TMPRSS7: variants seen among roughly 807,000 people sequenced by gnomAD.
The protein encoded by TMPRSS7 is transmembrane protease serine 7.
A neutral mutation model predicts 95.6 loss-of-function variants in TMPRSS7; 81 were observed. The ratio of observed to expected loss-of-function variants is 0.85; its 90% CI spans 0.71 to 1.02. The LOEUF is 1.02. TMPRSS7 is among the 50% of genes least tolerant of loss of function. TMPRSS7 has a pLI of 0.00. For missense variants in TMPRSS7, 945 were observed against 955.2 expected (o/e 0.99, Z 0.14); for synonymous variants, 364 against 337.8 (o/e 1.08, Z -0.85).
chr3:112,049,708 G>A, intron 7 of TMPRSS7, 136 bp from the exon 8 acceptor site: 1 of 656,530 alleles, frequency 1.5e-6, no homozygotes, highest in Non-Finnish European at 2.4e-6. Context: ...TGAGGATCTG[G>A]CTGGGAGAGA....
chr3:112,051,288 T>C (rs1258579447), intron 9 of TMPRSS7, among the ~76,000 whole-genome samples: 1 of 152,090 alleles, frequency 6.6e-6, no homozygotes. Context: ...ACTATTTATA[T>C]AGAATATAAT....
At chr3:112,057,166 A>G (rs767851167) in intron 10 of TMPRSS7, 35 bp downstream of exon 10, 5 of 1,472,472 alleles carry the variant, frequency 3.4e-6, no homozygotes, top group East Asian at 2.3e-5. Context: ...TATGTGAGGC[A>G]TCTGATGAAA....
At chr3:112,077,657 G>A (rs982986137) in intron 16 of TMPRSS7, among the ~76,000 whole-genome samples, 1 of 152,068 alleles carries the variant, frequency 6.6e-6, no homozygotes, top group Non-Finnish European at 1.5e-5. Context: ...ACTCAGGCCT[G>A]GAGGTTATAC....
At position 112,052,575 on chromosome 3, in the gene TMPRSS7, T is replaced by C. The variant is rs1250112021; in HGVS notation, c.1203+1792T>C. ...TCTCAAGGCTTCAGGGCAGCAGAAATGCAGGGCCTCAGATAAGCAGCAAGT... is the reference window on the plus strand; with the variant it reads ...TCTCAAGGCTTCAGGGCAGCAGAAACGCAGGGCCTCAGATAAGCAGCAAGT... On this transcript the variant is annotated intron_variant, in intron 9 of 17. Transcript: ENST00000452346. 3.3e-5 allele frequency among the ~76,000 whole-genome samples: 5 copies of C among 151,760 alleles called. No individual in the cohort carries two copies. In the East Asian group the frequency reaches 9.6e-4, roughly 29 times the overall value.
exon 18 of TMPRSS7, chr3:112,080,952 T>C (rs1207413820): frequency 6.2e-7 from 1 of 1,613,676 alleles, no homozygotes; most frequent in Non-Finnish European, 8.5e-7. Context: ...GAAGAAAAAG[T>C]GATGGAAAAT....
At chr3:112,062,986 C>A (rs973637188) in intron 11 of TMPRSS7, among the ~76,000 whole-genome samples, 2 of 152,096 alleles carry the variant, frequency 1.3e-5, no homozygotes, top group Non-Finnish European at 2.9e-5. Flanking sequence ...AGTCTGGGTT[C>A]GAGGCCAGTA....
chr3:112,066,575 A>AGGTATT, intron 13 of TMPRSS7, 73 bp downstream of exon 13: 1 of 1,403,394 alleles, frequency 7.1e-7, no homozygotes, highest in Non-Finnish European at 1.0e-6. Flanking sequence ...AATACCTCTG[A>AGGTATT]TGGGTTAGGG....
rs571932993 is a variant in TMPRSS7, at chr3:112,042,084, A to AGT, written c.429+36_429+37dup. ...ATGGAGGTAGAGGGTATTAGGGTAG[A>AGT]GTGGGTTTGCGGGGAGGTGGGGGAT... On this transcript the variant is annotated intron_variant, in intron 3 of 17. Transcript: ENST00000452346. The AGT allele has an allele frequency of 1.8e-5, 28 of 1,535,008 alleles. No homozygotes were observed. In the African/African-American group the frequency reaches 2.5e-4, roughly 14 times the overall value.
intron 13 of TMPRSS7, among the ~76,000 whole-genome samples, chr3:112,073,822 A>G (rs1231803760): frequency 2.0e-5 from 3 of 152,200 alleles, no homozygotes; most frequent in African/African-American, 7.2e-5. Context: ...CTGGAATGGA[A>G]CACGTTCCAC....
In TMPRSS7 at chr3:112,034,931, C is replaced by G. The variant is rs1215359483; in HGVS notation, c.48+38C>G. 1.0e-5 allele frequency: 7 copies of G among 702,348 alleles called. No individual in the cohort carries two copies. The Admixed American group carries it at 1.0e-4, about 10-fold the overall frequency. The allele number at this position is 702,348 out of a possible 1,614,324, so 43.5% of individuals were successfully genotyped here. ...TGAGAAACTTTCTCTTACTTGAATG[C>G]CATTTATTGTTGACCCTGTTAGTAA... On this transcript the variant is annotated intron_variant, in intron 1 of 17. Transcript: ENST00000452346.
chr3:112,063,802 G>T (rs2073542779), intron 12 of TMPRSS7, among the ~76,000 whole-genome samples, 170 bp downstream of exon 12: 1 of 152,206 alleles, frequency 6.6e-6, no homozygotes, highest in Admixed American at 6.5e-5. Flanking sequence ...TCATGCATCT[G>T]TGGATTTTCT....
At chr3:112,078,598 A>G (rs1559965449) in intron 16 of TMPRSS7, 144 bp from the exon 17 acceptor site, 1 of 1,056,890 alleles carries the variant, frequency 9.5e-7, no homozygotes, top group African/African-American at 1.6e-5. Flanking sequence ...CATCAGCAAA[A>G]TGAGGATAAT....
downstream of TMPRSS7, chr3:112,081,215 G>A (rs978468415): frequency 1.3e-5 from 8 of 638,836 alleles, no homozygotes; most frequent in African/African-American, 7.8e-5. Flanking sequence ...GGCAGATCAC[G>A]AGGTCAGGAG....
intron 2 of TMPRSS7, among the ~76,000 whole-genome samples, chr3:112,040,915 T>C (rs1301962470): frequency 6.6e-6 from 1 of 152,190 alleles, no homozygotes; most frequent in African/African-American, 2.4e-5. Flanking sequence ...TACATTAGGC[T>C]GAACTGAAGA....
chr3:112,038,508 T>C (rs1405759264), intron 2 of TMPRSS7, among the ~76,000 whole-genome samples, 187 bp downstream of exon 2: 1 of 152,222 alleles, frequency 6.6e-6, no homozygotes, highest in East Asian at 1.9e-4. Flanking sequence ...TCTTGCTCTG[T>C]CACCCAGGCT....
chr3:112,056,328 C>T (rs1402903171), intron 9 of TMPRSS7, among the ~76,000 whole-genome samples: 2 of 151,982 alleles, frequency 1.3e-5, no homozygotes, highest in African/African-American at 4.8e-5. Context: ...ATGGATGAAC[C>T]CAAATTTGAC....
chr3:112,050,522 G>GA (rs568785162), intron 8 of TMPRSS7, 149 bp from the exon 9 acceptor site: 1,698 of 168,964 alleles, frequency 0.01, 7 homozygotes, highest in Middle Eastern at 0.027. Flanking sequence ...CCTTTCTTCT[G>GA]AAAAAAAAAA....
chr3:112,036,844 A>T (rs2073152998), intron 1 of TMPRSS7, among the ~76,000 whole-genome samples: 1 of 152,236 alleles, frequency 6.6e-6, no homozygotes, highest in Non-Finnish European at 1.5e-5. Flanking sequence ...TTGGTTCCCT[A>T]AATTAATACT....
intron 11 of TMPRSS7, 96 bp downstream of exon 11, chr3:112,062,019 G>T: frequency 1.1e-6 from 1 of 886,686 alleles, no homozygotes; most frequent in Non-Finnish European, 1.5e-6. Flanking sequence ...AATGAATACT[G>T]CTTTATTTCT....
Sources: gnomAD v4.1 joint callset for allele counts (sites outside exome capture counted in the v4.1 genomes callset) on GRCh38, gnomAD v4.1.1 for gene constraint, MANE v1.5 for transcripts, NCBI Gene and HGNC (gene_info 2026-07-23, HGNC 2026-07-21) for gene names.